DACH2: variants seen among roughly 807,000 people sequenced by gnomAD.
DACH2 encodes the protein dachshund family transcription factor 2.
In DACH2, 17 loss-of-function variants were observed where a neutral mutation model predicts 35.8. The observed-to-expected ratio is 0.48, with a 90% confidence interval of 0.33 to 0.71. The LOEUF (loss-of-function observed/expected upper bound fraction) is 0.71, where lower values mean the gene tolerates loss of function less well. DACH2 is among the 30% of genes least tolerant of loss of function. DACH2 has a pLI of 0.02. For missense variants in DACH2, 469 were observed against 472.7 expected (o/e 0.99, Z 0.07); for synonymous variants, 195 against 177.3 (o/e 1.10, Z -0.79).
chrX:86,397,515 T>C (rs762533046), intron 2 of DACH2, among the ~76,000 whole-genome samples: 95 of 111,672 alleles, frequency 8.5e-4, no homozygotes, highest in African/African-American at 3.0e-3. Flanking sequence ...CAGTATGATA[T>C]TGGCTGTGGG....
chrX:86,319,727 T>C (rs1351543957), intron 1 of DACH2, among the ~76,000 whole-genome samples: 1 of 112,432 alleles, frequency 8.9e-6, no homozygotes, highest in African/African-American at 3.2e-5. Flanking sequence ...AAGATTAAAG[T>C]TCCGTGAACT....
At chrX:86,377,267 A>G (rs1009470573) in intron 2 of DACH2, among the ~76,000 whole-genome samples, 6 of 111,452 alleles carry the variant, frequency 5.4e-5, no homozygotes, top group African/African-American at 1.9e-4. Flanking sequence ...AGCACAGGCT[A>G]TTAAGTGTGC....
At chrX:86,293,598 A>G (rs2148002556) in intron 1 of DACH2, among the ~76,000 whole-genome samples, 1 of 108,692 alleles carries the variant, frequency 9.2e-6, no homozygotes, top group African/African-American at 3.4e-5. Flanking sequence ...TTCCTTCAGG[A>G]GCTCTTTTAG....
rs1250661112 is a variant in DACH2, at chrX:86,282,878, C to T, written c.489-93946C>T. On this transcript the variant is annotated intron_variant, in intron 1 of 11. Coordinates refer to ENST00000373125, the MANE Select transcript of DACH2 (RefSeq NM_053281.3). ...CTGCAAGCTCCGCCTCCCGGGTTCA[C>T]GCCATTCTCCTGCCTCAGCCTCCCA... Among the ~76,000 whole-genome samples, 3 of 33,840 alleles carry T rather than the reference C, an allele frequency of 8.9e-5. 1 individual carries two copies. Among genetic ancestry groups the T allele is most frequent in the Non-Finnish European group, 1.3e-4 (3 of 22,799 alleles). The allele number at this position is 33,840 out of a possible 115,157, so 29.4% of individuals were successfully genotyped here.
rs183221142 is a variant in DACH2, at chrX:86,381,502, G to T, written c.527+4640G>T. On this transcript the variant is annotated intron_variant, in intron 2 of 11. Coordinates refer to ENST00000373125, the MANE Select transcript of DACH2 (RefSeq NM_053281.3). ...AAACTTTCATTTGATGAGACAGTAT[G>T]GTATAACAGCAAGAGCTCTGGGGAA... Among the ~76,000 whole-genome samples the T allele has an allele frequency of 3.3e-3, 367 of 110,302 alleles. 3 individuals carry two copies. Among genetic ancestry groups the T allele is most frequent in the African/African-American group, 0.012 (353 of 30,604 alleles).
intron 2 of DACH2, among the ~76,000 whole-genome samples, chrX:86,390,653 G>A (rs763426858): frequency 1.5e-4 from 17 of 110,240 alleles, no homozygotes; most frequent in Middle Eastern, 4.7e-3. Flanking sequence ...ACAGTGATGC[G>A]ATCTCAGCTC....
intron 2 of DACH2, among the ~76,000 whole-genome samples, chrX:86,415,080 AC>A (rs2036680691): frequency 9.0e-6 from 1 of 111,650 alleles, no homozygotes; most frequent in Non-Finnish European, 1.9e-5. Flanking sequence ...GGCTTTGACA[AC>A]CATATCAAGT....
At chrX:86,395,252 A>C (rs112228248) in intron 2 of DACH2, among the ~76,000 whole-genome samples, 1 of 111,813 alleles carries the variant, frequency 8.9e-6, no homozygotes, top group Non-Finnish European at 1.9e-5. Context: ...ACTCTCTCAT[A>C]AAAGTAGATC....
intron 3 of DACH2, among the ~76,000 whole-genome samples, chrX:86,628,757 T>C (rs1433602362): frequency 8.9e-6 from 1 of 111,834 alleles, no homozygotes; most frequent in Non-Finnish European, 1.9e-5. Flanking sequence ...GAGTGGAGAA[T>C]TGATTGCACT....
At chrX:86,196,274 G>T (rs1049022204) in intron 1 of DACH2, among the ~76,000 whole-genome samples, 45 of 111,504 alleles carry the variant, frequency 4.0e-4, no homozygotes, top group African/African-American at 1.4e-3. Context: ...CACACTACAA[G>T]AATTTATTAA....
intron 3 of DACH2, among the ~76,000 whole-genome samples, chrX:86,618,527 G>A (rs757058349): frequency 1.8e-5 from 2 of 111,733 alleles, no homozygotes; most frequent in Non-Finnish European, 3.8e-5. Flanking sequence ...TAAGCCTAGA[G>A]TGTACTACTT....
At chrX:86,421,855 A>G (rs922783847) in intron 2 of DACH2, among the ~76,000 whole-genome samples, 3 of 110,943 alleles carry the variant, frequency 2.7e-5, no homozygotes, top group African/African-American at 9.8e-5. Flanking sequence ...TTGTATTGGC[A>G]ACAAGACCTG....
At chrX:86,660,613 C>T (rs1392456603) in intron 4 of DACH2, among the ~76,000 whole-genome samples, 4 of 111,598 alleles carry the variant, frequency 3.6e-5, no homozygotes, top group Admixed American at 1.9e-4. Flanking sequence ...TTGGTATACA[C>T]TATCATTTAA....
chrX:86,292,411 G>T (rs1452713282), intron 1 of DACH2, among the ~76,000 whole-genome samples: 2 of 100,106 alleles, frequency 2.0e-5, no homozygotes, highest in Non-Finnish European at 4.0e-5. Flanking sequence ...AGGGTTTTTT[G>T]TGTCTCTATT....
At chrX:86,312,447 G>A (rs1306729042) in intron 1 of DACH2, among the ~76,000 whole-genome samples, 3 of 111,298 alleles carry the variant, frequency 2.7e-5, no homozygotes, top group Non-Finnish European at 5.7e-5. Flanking sequence ...AAGTTGACAA[G>A]GGTGGACTTA....
intron 3 of DACH2, among the ~76,000 whole-genome samples, chrX:86,535,109 G>A (rs749703988): frequency 9.0e-6 from 1 of 111,620 alleles, no homozygotes; most frequent in Admixed American, 9.6e-5. Flanking sequence ...TATTTGAAAA[G>A]CATTGTTTAA....
At chrX:86,153,078 A>G (rs2030421571) in intron 1 of DACH2, among the ~76,000 whole-genome samples, 2 of 111,756 alleles carry the variant, frequency 1.8e-5, no homozygotes, top group Admixed American at 1.9e-4. Context: ...AAAGTAAAAT[A>G]TTGTCAGATT....
chrX:86,449,495 T>C (rs905454488), intron 2 of DACH2, among the ~76,000 whole-genome samples: 2 of 111,734 alleles, frequency 1.8e-5, no homozygotes, highest in African/African-American at 6.5e-5. Flanking sequence ...TTCAAGGACA[T>C]TATTGAAGGG....
intron 1 of DACH2, among the ~76,000 whole-genome samples, chrX:86,326,757 C>T (rs569815161): frequency 1.4e-4 from 16 of 110,898 alleles, no homozygotes; most frequent in South Asian, 3.8e-4. Flanking sequence ...ACCAATGTTT[C>T]GCTTCCACTT....
Sources: gnomAD v4.1 joint callset for allele counts (sites outside exome capture counted in the v4.1 genomes callset) on GRCh38, gnomAD v4.1.1 for gene constraint, MANE v1.5 for transcripts, NCBI Gene and HGNC (gene_info 2026-07-23, HGNC 2026-07-21) for gene names.